The following ABCA13 variants were observed in gnomAD, a reference collection of about 807,000 sequenced individuals.
ABCA13 encodes the protein ATP binding cassette subfamily A member 13.
In ABCA13, 476 loss-of-function variants were observed where a neutral mutation model predicts 478.7. The observed-to-expected ratio is 0.99, with a 90% CI of 0.92 to 1.07. The LOEUF (loss-of-function observed/expected upper bound fraction) is 1.07. Among genes scored for constraint, ABCA13 ranks in the 50% least tolerant of loss-of-function variants. The probability of loss-of-function intolerance (pLI) is 0.00; values close to 1 mark genes in which losing one functional copy is unlikely to be tolerated. For missense variants in ABCA13, 6,060 were observed against 5,910.6 expected (o/e 1.03, Z -0.83); for synonymous variants, 2,252 against 2,158.9 (o/e 1.04, Z -1.20).
intron 48 of ABCA13, among the ~76,000 whole-genome samples, chr7:48,489,556 C>T (rs1479140617): frequency 6.6e-6 from 1 of 152,120 alleles, no homozygotes; most frequent in Non-Finnish European, 1.5e-5. Flanking sequence ...GAACCTGTAA[C>T]CTCATCTGTA....
intron 43 of ABCA13, among the ~76,000 whole-genome samples, chr7:48,465,296 A>G (rs1323601984): frequency 1.3e-5 from 2 of 152,222 alleles, no homozygotes; most frequent in African/African-American, 2.4e-5. Context: ...GTACGGTCAC[A>G]CTGAACAGTA....
At chr7:48,408,034 A>G (rs533901025) in intron 39 of ABCA13, among the ~76,000 whole-genome samples, 1 of 152,314 alleles carries the variant, frequency 6.6e-6, no homozygotes, top group South Asian at 2.1e-4. Context: ...TGATTAAATC[A>G]AGCTAATTTA....
chr7:48,373,405 C>G lies in ABCA13; in HGVS notation c.11133+908C>G, dbSNP rs371469006. Among the ~76,000 whole-genome samples, 9 of 152,286 alleles carry G rather than the reference C, an allele frequency of 5.9e-5. No individual in the cohort carries two copies. In the South Asian group the frequency reaches 1.9e-3, roughly 32 times the overall value. Reference sequence around the variant, plus strand: ...TAGAGTAAAATATTTCTATGAAAGCCAAGTGATTTGTCTTCAACTTCAGTA... The same window carrying G: ...TAGAGTAAAATATTTCTATGAAAGCGAAGTGATTTGTCTTCAACTTCAGTA... On this transcript the variant is annotated intron_variant, in intron 33 of 61. Coordinates refer to ENST00000435803, the MANE Select transcript of ABCA13 (RefSeq NM_152701.5).
intron 27 of ABCA13, among the ~76,000 whole-genome samples, chr7:48,334,805 C>T (rs1563072484): frequency 6.6e-6 from 1 of 152,118 alleles, no homozygotes; most frequent in African/African-American, 2.4e-5. Flanking sequence ...GGCATTTAGA[C>T]TATTTTCAGT....
At chr7:48,311,705 G>A (rs1324851714) in intron 24 of ABCA13, among the ~76,000 whole-genome samples, 2 of 152,082 alleles carry the variant, frequency 1.3e-5, no homozygotes, top group South Asian at 2.1e-4. Flanking sequence ...TATTTATCAG[G>A]TACCTTCTAT....
At position 48,245,897 on chromosome 7, in the gene ABCA13, G is replaced by A. The variant is rs972957847; in HGVS notation, c.1526G>A (p.Arg509His). ...LAKNAVCPNG[R>H]FSEKEVFLPP... ...AAGAATGCTGTCTGCCCGAATGGTC[G>A]TTTCTCTGAGAAGGAGGTCTTTTTG... The change falls in exon 13 of 62, where the codon CGT becomes CAT. Residue 509 changes from arginine (R) to histidine (H), a missense_variant. Physicochemically the swap from Arg to His is conservative, Grantham distance 29. Around this residue, in one of 3 missense-constraint regions of ABCA13, gnomAD observed 4,423 missense variants for 4,309.1 expected, o/e 1.03. Transcript: ENST00000435803. The A allele has an allele frequency of 1.9e-6, 3 of 1,613,274 alleles. No homozygotes were observed. Among genetic ancestry groups the A allele is most frequent in the South Asian group, 1.1e-5 (1 of 90,952 alleles).
intron 29 of ABCA13, among the ~76,000 whole-genome samples, chr7:48,343,888 C>T (rs996504175): frequency 2.0e-4 from 30 of 152,142 alleles, no homozygotes; most frequent in African/African-American, 7.0e-4. Flanking sequence ...GACAGCTCTT[C>T]AATTAAGGGG....
intron 36 of ABCA13, 131 bp downstream of exon 36, chr7:48,388,090 T>C: frequency 1.0e-6 from 1 of 984,940 alleles, no homozygotes; most frequent in East Asian, 2.7e-5. Flanking sequence ...ATTTAGGCTG[T>C]CTTGGGCTGG....
intron 20 of ABCA13, among the ~76,000 whole-genome samples, chr7:48,289,190 G>T (rs1334262938): frequency 6.6e-6 from 1 of 152,088 alleles, no homozygotes; most frequent in Admixed American, 6.5e-5. Flanking sequence ...GGCCTTTGGA[G>T]GAGTGGTGCC....
chr7:48,397,743 T>A (rs1303934875), intron 38 of ABCA13, among the ~76,000 whole-genome samples: 2 of 152,202 alleles, frequency 1.3e-5, no homozygotes, highest in East Asian at 3.9e-4. Context: ...TATAAATGCA[T>A]GTGTGGAAAA....
intron 59 of ABCA13, among the ~76,000 whole-genome samples, chr7:48,631,082 T>C (rs1794124182): frequency 6.6e-6 from 1 of 152,082 alleles, no homozygotes; most frequent in East Asian, 1.9e-4. Flanking sequence ...TGGAAATATT[T>C]TCTCTCATTC....
rs775184311 is a variant in ABCA13 at position 48,249,271 on chromosome 7, C to G, written c.1925C>G (p.Ala642Gly). The G allele has an allele frequency of 6.2e-7, 1 of 1,613,112 alleles. No individual in the cohort carries two copies. The highest frequency in any genetic ancestry group is 8.5e-7 in the Non-Finnish European group (1 of 1,179,390). ...CTGGAACAAGCATATTATTGGAAAGCCTTCAAAAAGTTTATCAGGAAGACT... is the reference window on the plus strand; with the variant it reads ...CTGGAACAAGCATATTATTGGAAAGGCTTCAAAAAGTTTATCAGGAAGACT... ...FFLEQAYYWK[A>G]FKKFIRKTCE... is the part of the protein sequence containing the mutation. Residue 642 changes from alanine to glycine, a missense_variant, in exon 15 of 62, where the codon GCC becomes GGC. By Grantham distance (60) the Ala-to-Gly change is moderately conservative. Coordinates refer to ENST00000435803, the MANE Select transcript of ABCA13 (RefSeq NM_152701.5).
chr7:48,588,541 G>C (rs1229237882), intron 57 of ABCA13, among the ~76,000 whole-genome samples: 2 of 152,212 alleles, frequency 1.3e-5, no homozygotes, highest in Admixed American at 1.3e-4. Flanking sequence ...AGTGGTCAAG[G>C]TGGGGACTCT....
intron 32 of ABCA13, among the ~76,000 whole-genome samples, chr7:48,370,936 A>T (rs1031692111): frequency 2.0e-5 from 3 of 152,226 alleles, no homozygotes; most frequent in Admixed American, 2.0e-4. Context: ...TCTTTACTCC[A>T]TCTTGAGTTA....
chr7:48,278,675 C>A lies in ABCA13; in HGVS notation c.7481C>A (p.Pro2494His). ...RASEESHVLK[P>H]LLEMSGTLVM... is the part of the protein sequence containing the mutation. ...AGTGAAGAAAGTCACGTCCTGAAAC[C>A]CCTCTTAGAAATGTCTGGGACTCTG... Residue 2494 changes from proline (P) to histidine (H), a missense_variant, in exon 18 of 62, where the codon CCC (proline) becomes CAC (histidine). Transcript: ENST00000435803. The A allele has an allele frequency of 6.2e-7, 1 of 1,613,550 alleles. No homozygotes were observed. Among genetic ancestry groups the A allele is most frequent in the South Asian group, 1.1e-5 (1 of 91,078 alleles).
At chr7:48,422,861 G>C (rs781079811) in intron 41 of ABCA13, among the ~76,000 whole-genome samples, 4 of 152,220 alleles carry the variant, frequency 2.6e-5, no homozygotes, top group Non-Finnish European at 4.4e-5. Context: ...GTGATGTTAT[G>C]ATGAGGCAGC....
At position 48,249,221 on chromosome 7, in the gene ABCA13, T is replaced by C. The variant is rs770055502; in HGVS notation, c.1875T>C (p.His625=). ...KHQLVSTVIF[H]TLEKTQFFLE... ...TTCTTTTTGATTGCAGGATATTTCA[T>C]ACACTTGAAAAAACACAATTTTTCC... Residue 625 remains histidine (H), a synonymous_variant, in exon 15 of 62, where the codon CAT becomes CAC. Coordinates refer to ENST00000435803, the MANE Select transcript of ABCA13 (RefSeq NM_152701.5). 6.2e-7 allele frequency: 1 copy of C among 1,610,930 alleles called. No homozygotes were observed. Among genetic ancestry groups the C allele is most frequent in the Non-Finnish European group, 8.5e-7 (1 of 1,178,054 alleles).
intron 1 of ABCA13, among the ~76,000 whole-genome samples, chr7:48,181,691 C>T (rs1795721739): frequency 6.6e-6 from 1 of 151,924 alleles, no homozygotes; most frequent in Non-Finnish European, 1.5e-5. Flanking sequence ...CTTCCTATGC[C>T]ACTGCATAGA....
At chr7:48,624,464 A>G (rs1208654114) in intron 59 of ABCA13, among the ~76,000 whole-genome samples, 2 of 152,148 alleles carry the variant, frequency 1.3e-5, no homozygotes, top group African/African-American at 2.4e-5. Context: ...AGAGTTTACA[A>G]TGTGAAATAC....
Sources: allele counts gnomAD v4.1 joint callset (sites outside exome capture counted in the v4.1 genomes callset), GRCh38; gene constraint gnomAD v4.1.1; regional missense constraint gnomAD v4.1.1; transcripts MANE v1.5; gene names NCBI Gene and HGNC (gene_info 2026-07-23, HGNC 2026-07-21).